ETV6: variants seen among roughly 807,000 people sequenced by gnomAD.
ETV6 encodes transcription factor ETV6.
A neutral mutation model predicts 51.1 loss-of-function variants in ETV6; 16 were observed. The observed-to-expected ratio is 0.31, with a 90% CI of 0.21 to 0.48. The LOEUF is 0.48. ETV6 is among the 20% of genes least tolerant of loss of function. The pLI is 0.99. For synonymous variants in ETV6, 240 were observed against 224.1 expected (o/e 1.07, Z -0.64); for missense variants, 458 against 594.8 (o/e 0.77, Z 2.39).
intron 2 of ETV6, among the ~76,000 whole-genome samples, chr12:11,824,735 G>C (rs2136441430): frequency 6.6e-6 from 1 of 152,282 alleles, no homozygotes; most frequent in Non-Finnish European, 1.5e-5. Context: ...TCGCGCTAAT[G>C]CACTCCAGCC....
chr12:11,731,622 A>G (rs1017952507), intron 1 of ETV6, among the ~76,000 whole-genome samples: 1 of 152,162 alleles, frequency 6.6e-6, no homozygotes, highest in East Asian at 1.9e-4. Flanking sequence ...GGAAGTGTTT[A>G]CAGGTTTAGT....
intron 2 of ETV6, among the ~76,000 whole-genome samples, chr12:11,815,429 C>T (rs985416829): frequency 6.6e-6 from 1 of 152,222 alleles, no homozygotes; most frequent in Admixed American, 6.5e-5. Context: ...GACACCGACC[C>T]GTGGTGCCAC....
At chr12:11,846,826 T>A (rs1250978049) in intron 3 of ETV6, among the ~76,000 whole-genome samples, 1 of 152,212 alleles carries the variant, frequency 6.6e-6, no homozygotes, top group Non-Finnish European at 1.5e-5. Flanking sequence ...CATGTTTGTT[T>A]GAAGACAAGT....
rs371171278 is a variant in ETV6, at chr12:11,869,719, G to A, written c.759G>A (p.Pro253=). ...GCCCAGCGTCCTCCGAGTCCCACCC[G>A]AAGCCATCCAGCCCCCGGCAGGAGA... The part of the protein sequence containing the change: ...NHCPASSESH[P]KPSSPRQEST... Residue 253 remains proline (P), a synonymous_variant, in exon 5 of 8, where the codon CCG becomes CCA. Transcript: ENST00000396373. This position sits in a 1 kb window ranked among gnomAD's most constrained non-coding sequence, Gnocchi z 5.0. 19 of 1,613,768 alleles carry A rather than the reference G, an allele frequency of 1.2e-5. No homozygotes were observed. Among genetic ancestry groups the A allele is most frequent in the South Asian group, 2.2e-5 (2 of 91,076 alleles).
chr12:11,882,276 C>T lies in ETV6; in HGVS notation c.1010-2169C>T, dbSNP rs1194811928. Reference sequence around the variant, plus strand: ...AGTGTCTTCTGCTATTCAAAGAGAACGCTGGAGTTCAGAAAAGATACACTG... The same window carrying T: ...AGTGTCTTCTGCTATTCAAAGAGAATGCTGGAGTTCAGAAAAGATACACTG... On this transcript the variant is annotated intron_variant, in intron 5 of 7. Coordinates refer to ENST00000396373, the MANE Select transcript of ETV6 (RefSeq NM_001987.5). Among the ~76,000 whole-genome samples, 5 of 152,230 alleles carry T rather than the reference C, an allele frequency of 3.3e-5. 1 individual carries two copies. Among genetic ancestry groups the T allele is most frequent in the Middle Eastern group, 6.8e-3 (2 of 294 alleles).
chr12:11,885,111 A>G (rs1006517549), intron 6 of ETV6, among the ~76,000 whole-genome samples: 1 of 152,252 alleles, frequency 6.6e-6, no homozygotes, highest in Non-Finnish European at 1.5e-5. Flanking sequence ...ATGGAATTGA[A>G]TAAAGTCTTT....
intron 2 of ETV6, among the ~76,000 whole-genome samples, chr12:11,834,352 C>T (rs560733645): frequency 2.6e-4 from 39 of 152,260 alleles, no homozygotes; most frequent in African/African-American, 8.7e-4. Flanking sequence ...GTCTCCAGCA[C>T]GTAGAACCTA....
intron 2 of ETV6, among the ~76,000 whole-genome samples, chr12:11,827,070 T>TCACACACACACAAACACACA (rs1946165095): frequency 6.9e-6 from 1 of 145,058 alleles, no homozygotes; most frequent in African/African-American, 2.5e-5. Flanking sequence ...GAAGTCTGTC[T>TCACACACACACAAACACACA]CACACACACA....
intron 1 of ETV6, among the ~76,000 whole-genome samples, chr12:11,734,107 T>G (rs539812157): frequency 1.3e-5 from 2 of 152,326 alleles, no homozygotes; most frequent in East Asian, 3.9e-4. Flanking sequence ...TTTAAAGGAA[T>G]CAGATCTTTG....
At chr12:11,765,010 A>G (rs942408036) in intron 2 of ETV6, among the ~76,000 whole-genome samples, 1 of 152,186 alleles carries the variant, frequency 6.6e-6, no homozygotes, top group Admixed American at 6.5e-5. Context: ...CCTATTGCCT[A>G]ATCTCTTCAC....
intron 3 of ETV6, among the ~76,000 whole-genome samples, chr12:11,843,183 C>T (rs1038103016): frequency 2.6e-5 from 4 of 152,148 alleles, no homozygotes; most frequent in Admixed American, 1.3e-4. Flanking sequence ...AGGAGTATTG[C>T]GAATGGGTTT....
At chr12:11,890,477 G>T (rs1366406506) in intron 7 of ETV6, among the ~76,000 whole-genome samples, 1 of 151,264 alleles carries the variant, frequency 6.6e-6, no homozygotes, top group Admixed American at 6.6e-5. Context: ...ACCCAAGTTA[G>T]AGTGCAGTAG....
intron 2 of ETV6, among the ~76,000 whole-genome samples, chr12:11,816,538 G>A (rs576767689): frequency 2.6e-5 from 4 of 152,258 alleles, no homozygotes; most frequent in East Asian, 1.9e-4. Flanking sequence ...GAGCCACTGC[G>A]CCCGGCCAGC....
chr12:11,723,592 G>A (rs547180402), intron 1 of ETV6, among the ~76,000 whole-genome samples: 4 of 152,156 alleles, frequency 2.6e-5, no homozygotes, highest in East Asian at 3.9e-4. Context: ...CGTGGTACCC[G>A]GCACATAGTA....
intron 1 of ETV6, among the ~76,000 whole-genome samples, chr12:11,729,584 G>T (rs1865556058): frequency 6.6e-6 from 1 of 152,156 alleles, no homozygotes; most frequent in East Asian, 1.9e-4. Flanking sequence ...ATGACTGTTG[G>T]CAATTTGATG....
chr12:11,765,720 A>G (rs80142867), intron 2 of ETV6, among the ~76,000 whole-genome samples: 3,379 of 147,640 alleles, frequency 0.023, 40 homozygotes, highest in Middle Eastern at 0.035. Context: ...GTGCATGGGG[A>G]AAAAAAAAAC....
At chr12:11,765,803 C>A (rs138827878) in intron 2 of ETV6, among the ~76,000 whole-genome samples, 50 of 152,212 alleles carry the variant, frequency 3.3e-4, no homozygotes, top group African/African-American at 1.2e-3. Flanking sequence ...ATTTTATTTT[C>A]TTGTGCCCTC....
rs1591749369 is a variant in ETV6 at position 11,884,472 on chromosome 12, A to G, written c.1037A>G (p.Tyr346Cys). The G allele has an allele frequency of 6.2e-7, 1 of 1,614,074 alleles. No individual in the cohort carries two copies. The highest frequency in any genetic ancestry group is 8.5e-7 in the Non-Finnish European group (1 of 1,180,042). The change falls in exon 6 of 8, where the codon TAT becomes TGT. Residue 346 changes from tyrosine (Y) to cysteine (C), a missense_variant. Tyr to Cys is a radical substitution (Grantham distance 194, BLOSUM62 -2). This residue lies in a region of ETV6 where 55 missense variants were observed against 151.2 expected (regional missense o/e 0.36). Coordinates refer to ENST00000396373, the MANE Select transcript of ETV6 (RefSeq NM_001987.5). ...ADCRLLWDYV[Y>C]QLLSDSRYEN... ...TGTAGACTGCTTTGGGATTACGTCT[A>G]TCAGTTGCTTTCTGACAGCCGGTAC...
At chr12:11,753,741 A>C (rs1287592318) in intron 2 of ETV6, among the ~76,000 whole-genome samples, 1 of 152,250 alleles carries the variant, frequency 6.6e-6, no homozygotes, top group Non-Finnish European at 1.5e-5. Context: ...CCGCCGGCTT[A>C]TGCCTTCTGC....
Sources: gnomAD v4.1 joint callset for allele counts (sites outside exome capture counted in the v4.1 genomes callset) on GRCh38, gnomAD v4.1.1 for gene constraint, gnomAD v4.1.1 regional missense constraint, Gnocchi (gnomAD v3.1) non-coding constraint, MANE v1.5 for transcripts, NCBI Gene and HGNC (gene_info 2026-07-23, HGNC 2026-07-21) for gene names.